The following LMO7 variants were observed in gnomAD, a reference collection of about 807,000 sequenced individuals.
The protein encoded by LMO7 is LIM domain only protein 7.
Under a neutral mutation model 206.5 loss-of-function variants are expected in LMO7, and 120 were observed. The ratio of observed to expected loss-of-function variants is 0.58; its 90% CI spans 0.50 to 0.68. The LOEUF (loss-of-function observed/expected upper bound fraction) is 0.68. Among genes scored for constraint, LMO7 ranks in the 30% least tolerant of loss-of-function variants. LMO7 has a pLI of 0.00. For synonymous variants in LMO7, 706 were observed against 681.5 expected, an observed-to-expected ratio of 1.04 and a Z score of -0.56; for missense variants, 1,959 against 1,957.9, an observed-to-expected ratio of 1.00 and a Z score of -0.01.
chr13:75,824,108 C>T (rs1056462487), intron 15 of LMO7, among the ~76,000 whole-genome samples: 4 of 152,138 alleles, frequency 2.6e-5, no homozygotes, highest in African/African-American at 9.7e-5. Flanking sequence ...GCACCAGTCT[C>T]CTTGGGATTT....
At chr13:75,764,363 A>T (rs2048581969) in intron 4 of LMO7, among the ~76,000 whole-genome samples, 1 of 152,128 alleles carries the variant, frequency 6.6e-6, no homozygotes, top group African/African-American at 2.4e-5. Context: ...AACGTGGTGA[A>T]GTTCCCACAG....
chr13:75,830,433 T>TC (rs1566566261), intron 15 of LMO7, among the ~76,000 whole-genome samples: 2 of 152,134 alleles, frequency 1.3e-5, no homozygotes, highest in African/African-American at 4.8e-5. Context: ...AAATTAAAAA[T>TC]CAGTATTTTT....
intron 8 of LMO7, 117 bp downstream of exon 8, chr13:75,804,658 C>A: frequency 8.0e-7 from 1 of 1,256,040 alleles, no homozygotes. Context: ...TTAAGCTTGA[C>A]TAGTGAGAAT....
chr13:75,624,364 C>A (rs1446500954), intron 2 of LMO7, among the ~76,000 whole-genome samples: 1 of 152,206 alleles, frequency 6.6e-6, no homozygotes, highest in Non-Finnish European at 1.5e-5. Flanking sequence ...AGCCTCTCTG[C>A]TGTATGTCAA....
At chr13:75,692,837 A>G (rs1349904894) in intron 1 of LMO7, among the ~76,000 whole-genome samples, 1 of 152,176 alleles carries the variant, frequency 6.6e-6, no homozygotes, top group Non-Finnish European at 1.5e-5. Flanking sequence ...GGCTTTTTAT[A>G]GAAGGAGATA....
At chr13:75,817,728 G>A (rs1050004493) in intron 12 of LMO7, among the ~76,000 whole-genome samples, 2 of 152,094 alleles carry the variant, frequency 1.3e-5, no homozygotes, top group African/African-American at 4.8e-5. Flanking sequence ...AAGGAGAATT[G>A]GGGAGAAATA....
At chr13:75,802,754 G>A (rs748136568) in intron 7 of LMO7, among the ~76,000 whole-genome samples, 8 of 152,182 alleles carry the variant, frequency 5.3e-5, no homozygotes, top group Admixed American at 1.3e-4. Flanking sequence ...CTGGGATGGA[G>A]GCACCAGGCC....
chr13:75,654,074 T>C (rs2037818716), intron 1 of LMO7, among the ~76,000 whole-genome samples: 1 of 152,210 alleles, frequency 6.6e-6, no homozygotes, highest in African/African-American at 2.4e-5. Context: ...TACACTATCT[T>C]CTACCCTTTC....
chr13:75,648,246 C>A (rs982015334), intron 1 of LMO7, among the ~76,000 whole-genome samples: 15 of 152,036 alleles, frequency 9.9e-5, no homozygotes, highest in Admixed American at 5.2e-4. Context: ...CTGCTCCCAG[C>A]CTAACTTGTT....
intron 1 of LMO7, among the ~76,000 whole-genome samples, chr13:75,690,827 A>G (rs1393480641): frequency 6.6e-6 from 1 of 152,198 alleles, no homozygotes; most frequent in Non-Finnish European, 1.5e-5. Flanking sequence ...TACTTTTAGC[A>G]TAGTACTGAG....
chr13:75,789,379 C>T (rs935594434), intron 4 of LMO7, among the ~76,000 whole-genome samples: 6 of 152,178 alleles, frequency 3.9e-5, no homozygotes, highest in South Asian at 2.1e-4. Context: ...GGCCTTCCAG[C>T]GTTGCAAATG....
At chr13:75,729,187 G>A (rs1343815770) in intron 3 of LMO7, among the ~76,000 whole-genome samples, 2 of 148,292 alleles carry the variant, frequency 1.3e-5, no homozygotes, top group African/African-American at 2.5e-5. Context: ...GCTTGATGGG[G>A]ATGGCATTGA....
chr13:75,741,590 T>C (rs1235385497), intron 3 of LMO7, among the ~76,000 whole-genome samples: 1 of 152,190 alleles, frequency 6.6e-6, no homozygotes, highest in East Asian at 1.9e-4. Context: ...GGCAAATCAA[T>C]AAATGTAATT....
At chr13:75,710,247 T>C (rs972971717) in intron 1 of LMO7, among the ~76,000 whole-genome samples, 23 of 152,218 alleles carry the variant, frequency 1.5e-4, no homozygotes, top group Non-Finnish European at 3.1e-4. Flanking sequence ...CCTCCAGCTT[T>C]TTTCTTTTGG....
intron 1 of LMO7, among the ~76,000 whole-genome samples, chr13:75,655,178 C>T (rs1044551986): frequency 5.9e-5 from 9 of 152,128 alleles, no homozygotes; most frequent in Non-Finnish European, 1.2e-4. Flanking sequence ...GCCAATAATA[C>T]ATCTTCTGCA....
At chr13:75,668,005 C>T (rs906531204) in intron 1 of LMO7, among the ~76,000 whole-genome samples, 1 of 152,132 alleles carries the variant, frequency 6.6e-6, no homozygotes, top group Non-Finnish European at 1.5e-5. Context: ...GCCAGGAGTT[C>T]GAGACCAGCC....
chr13:75,676,687 A>G (rs980624585), intron 1 of LMO7, among the ~76,000 whole-genome samples: 1 of 152,190 alleles, frequency 6.6e-6, no homozygotes, highest in Non-Finnish European at 1.5e-5. Context: ...TCACTAGCTA[A>G]CAAAGATGAG....
intron 13 of LMO7, 151 bp from the exon 14 acceptor site, chr13:75,821,026 A>G: frequency 1.7e-6 from 1 of 595,024 alleles, no homozygotes. Flanking sequence ...ATAATTGTAT[A>G]CATCTTTATG....
At chr13:75,717,671 T>C (rs776948353) in intron 2 of LMO7, among the ~76,000 whole-genome samples, 5 of 152,234 alleles carry the variant, frequency 3.3e-5, no homozygotes, top group Non-Finnish European at 5.9e-5. Flanking sequence ...TAGAGAACTT[T>C]GTCACTTGTC....
Sources: gnomAD v4.1 joint callset for allele counts (sites outside exome capture counted in the v4.1 genomes callset) on GRCh38, gnomAD v4.1.1 for gene constraint, MANE v1.5 for transcripts, NCBI Gene and HGNC (gene_info 2026-07-23, HGNC 2026-07-21) for gene names.